CNOT1: variants seen among roughly 807,000 people sequenced by gnomAD.
CNOT1 encodes the protein CCR4-associated factor 1.
Under a neutral mutation model 273.8 loss-of-function variants are expected in CNOT1, and 15 were observed. The observed-to-expected ratio is 0.05, with a 90% CI of 0.04 to 0.08. The LOEUF (loss-of-function observed/expected upper bound fraction) is 0.08. Among genes scored for constraint, CNOT1 ranks in the 10% least tolerant of loss-of-function variants. The probability of loss-of-function intolerance (pLI) is 1.00; values close to 1 mark genes in which losing one functional copy is unlikely to be tolerated. For synonymous variants in CNOT1, 1,022 were observed against 1,005.5 expected (o/e 1.02, Z -0.31); for missense variants, 1,644 against 2,912.2 (o/e 0.56, Z 10.02).
Position 58,555,828 on chromosome 16 carries a change from G to T in CNOT1, c.2560C>A (p.Arg854=). 6.2e-7 allele frequency: 1 copy of T among 1,613,886 alleles called. No individual in the cohort carries two copies. The highest frequency in any genetic ancestry group is 1.1e-5 in the South Asian group (1 of 91,078). Residue 854 remains arginine, a synonymous_variant, in exon 20 of 49, where the codon CGA becomes AGA. Transcript: ENST00000317147. ...IDDEANSYFQ[R]IYNHPPHPTM... is the part of the protein sequence containing the mutation. ...GGATGTGGTGGATGATTATATATTC[G>T]CTGGAAATAGCTGTTTGCTTCATCA...
At chr16:58,602,576 A>AT (rs2042513320) in intron 1 of CNOT1, among the ~76,000 whole-genome samples, 1 of 149,436 alleles carries the variant, frequency 6.7e-6, no homozygotes, top group African/African-American at 2.5e-5. Flanking sequence ...AAAAAAAAAA[A>AT]ACCCATCCAT....
intron 29 of CNOT1, among the ~76,000 whole-genome samples, chr16:58,546,032 G>A (rs1469351612): frequency 1.3e-5 from 2 of 152,036 alleles, no homozygotes; most frequent in East Asian, 3.9e-4. Flanking sequence ...GTTATTTCTG[G>A]GACTTCACAC....
In CNOT1 at chr16:58,556,997, G is replaced by C; in HGVS notation, c.2333-4C>G. 1.9e-6 allele frequency: 3 copies of C among 1,612,620 alleles called. No homozygotes were observed. Among genetic ancestry groups the C allele is most frequent in the Non-Finnish European group, 2.5e-6 (3 of 1,179,612 alleles). ...CTGCCTGTGCCAAGACCACCTACTA[G>C]AGAGAACGAAGGCAGCCACAAATCC... On this transcript the variant is annotated splice_region_variant and splice_polypyrimidine_tract_variant and intron_variant, in intron 18 of 48. Transcript: ENST00000317147.
intron 47 of CNOT1, among the ~76,000 whole-genome samples, chr16:58,522,520 A>C (rs2039436569): frequency 6.6e-6 from 1 of 151,952 alleles, no homozygotes; most frequent in Admixed American, 6.6e-5. Context: ...AATTAGGCAA[A>C]TGAGCAAGTT....
chr16:58,576,956 A>T (rs2041475182), intron 13 of CNOT1, among the ~76,000 whole-genome samples: 1 of 152,236 alleles, frequency 6.6e-6, no homozygotes. Context: ...TAAAAACAAA[A>T]CAATTTAAGG....
chr16:58,622,169 C>T (rs527959624), intron 1 of CNOT1, among the ~76,000 whole-genome samples: 7 of 150,812 alleles, frequency 4.6e-5, no homozygotes, highest in Non-Finnish European at 1.0e-4. Context: ...AAAAAATTAG[C>T]CAGGCGTGGT....
chr16:58,571,700 G>A (rs539215286), intron 16 of CNOT1, among the ~76,000 whole-genome samples: 2 of 152,164 alleles, frequency 1.3e-5, no homozygotes, highest in African/African-American at 2.4e-5. Context: ...ATAGGAGGCC[G>A]GGCATAGTGG....
At chr16:58,542,139 T>TG (rs2040112717) in intron 33 of CNOT1, 92 bp downstream of exon 33, 1 of 1,454,140 alleles carries the variant, frequency 6.9e-7, no homozygotes, top group Non-Finnish European at 9.4e-7. Context: ...TATTTAACCC[T>TG]GCTGTCCTAA....
In CNOT1 at chr16:58,585,386, C is replaced by T. The variant is rs139302890; in HGVS notation, c.758G>A (p.Ser253Asn). ...SGGVAKTMME[S>N]SLADFMQEVG... ...TTCTTGCATGAAATCAGCCAAAGAG[C>T]TCTCCATCATGGTTTTAGCTACCCC... The change falls in exon 8 of 49, where the codon AGC (serine) becomes AAC (asparagine). Residue 253 changes from serine to asparagine, a missense_variant. Around this residue, in one of 13 missense-constraint regions of CNOT1, gnomAD observed 706 missense variants for 1,021.2 expected, o/e 0.69. Coordinates refer to ENST00000317147, the MANE Select transcript of CNOT1 (RefSeq NM_016284.5). The T allele has an allele frequency of 2.5e-5, 40 of 1,613,820 alleles. No homozygotes were observed. In the African/African-American group the frequency reaches 4.8e-4, roughly 19 times the overall value.
intron 39 of CNOT1, 145 bp downstream of exon 39, chr16:58,536,844 T>C: frequency 7.6e-7 from 1 of 1,309,154 alleles, no homozygotes; most frequent in Non-Finnish European, 1.0e-6. Flanking sequence ...GGCTGTAATT[T>C]AACCATATAA....
At chr16:58,551,863 A>G in intron 22 of CNOT1, 44 bp from the exon 23 acceptor site, 1 of 1,606,172 alleles carries the variant, frequency 6.2e-7, no homozygotes, top group Non-Finnish European at 8.5e-7. Context: ...TTAATTGCTA[A>G]GTCTGGATTA....
intron 16 of CNOT1, among the ~76,000 whole-genome samples, chr16:58,569,114 A>C (rs2041169871): frequency 6.6e-6 from 1 of 152,158 alleles, no homozygotes. Context: ...TACCAAACAC[A>C]TTTATTTTCA....
chr16:58,619,768 G>C (rs987690968), intron 1 of CNOT1, among the ~76,000 whole-genome samples: 2 of 152,080 alleles, frequency 1.3e-5, no homozygotes, highest in Non-Finnish European at 2.9e-5. Flanking sequence ...TTCAAATCTT[G>C]TTTCTAGTCG....
At chr16:58,522,175 C>T (rs559481028) in intron 47 of CNOT1, among the ~76,000 whole-genome samples, 4 of 136,070 alleles carry the variant, frequency 2.9e-5, no homozygotes, top group East Asian at 2.2e-4. Flanking sequence ...AAAAATTAGC[C>T]GGACGTGGTG....
intron 35 of CNOT1, 85 bp from the exon 36 acceptor site, chr16:58,538,999 A>G: frequency 2.0e-6 from 3 of 1,535,874 alleles, no homozygotes; most frequent in Non-Finnish European, 2.6e-6. Flanking sequence ...TCTCAATGCC[A>G]AGTACCAAAT....
chr16:58,599,065 A>C, intron 2 of CNOT1, 171 bp downstream of exon 2: 1 of 803,140 alleles, frequency 1.2e-6, no homozygotes, highest in Non-Finnish European at 1.8e-6. Flanking sequence ...AAAAAAAAAA[A>C]AAAAAGATTG....
At chr16:58,617,662 T>C (rs955272630) in intron 1 of CNOT1, among the ~76,000 whole-genome samples, 1 of 152,144 alleles carries the variant, frequency 6.6e-6, no homozygotes, top group Non-Finnish European at 1.5e-5. Flanking sequence ...GTTGAGAAAA[T>C]GGCTGATATA....
chr16:58,566,669 C>CT (rs761624677), intron 16 of CNOT1, among the ~76,000 whole-genome samples: 2 of 151,974 alleles, frequency 1.3e-5, no homozygotes, highest in South Asian at 2.1e-4. Context: ...TGATTGGTTT[C>CT]TTTTTTTTAT....
intron 45 of CNOT1, 82 bp downstream of exon 45, chr16:58,525,907 C>T: frequency 1.7e-6 from 2 of 1,192,728 alleles, no homozygotes; most frequent in Non-Finnish European, 2.4e-6. Context: ...AGACTAACTC[C>T]CAAATGGACC....
Sources: allele counts gnomAD v4.1 joint callset (sites outside exome capture counted in the v4.1 genomes callset), GRCh38; gene constraint gnomAD v4.1.1; regional missense constraint gnomAD v4.1.1; transcripts MANE v1.5; gene names NCBI Gene and HGNC (gene_info 2026-07-23, HGNC 2026-07-21).